EHMT1: variants seen among roughly 807,000 people sequenced by gnomAD.
EHMT1 encodes the protein euchromatic histone lysine methyltransferase 1, also known as histone-lysine N-methyltransferase EHMT1.
A neutral mutation model predicts 147.2 loss-of-function variants in EHMT1; 15 were observed. The observed-to-expected ratio is 0.10, with a 90% confidence interval of 0.07 to 0.16. The LOEUF is 0.16. EHMT1 is among the 10% of genes least tolerant of loss of function. The probability of loss-of-function intolerance (pLI) is 1.00; values close to 1 mark genes in which losing one functional copy is unlikely to be tolerated. For synonymous variants in EHMT1, 795 were observed against 709.6 expected (o/e 1.12, Z -1.91); for missense variants, 1,587 against 1,772.4 (o/e 0.90, Z 1.88).
chr9:137,720,241 A>G (rs1945814583), intron 3 of EHMT1, among the ~76,000 whole-genome samples: 3 of 152,072 alleles, frequency 2.0e-5, no homozygotes, highest in Non-Finnish European at 4.4e-5. Context: ...CACCCTGTGT[A>G]GCCACCAACC....
In EHMT1 at chr9:137,815,370, G is replaced by A. The variant is rs116720059; in HGVS notation, c.3259-577G>A. The A allele has an allele frequency of 4.1e-3, 749 of 184,008 alleles. 8 individuals carry two copies. Among genetic ancestry groups the A allele is most frequent in the African/African-American group, 0.017 (706 of 42,592 alleles). 11.4% of individuals were successfully genotyped at this position (184,008 alleles called of 1,614,324 possible). Reference sequence around the variant, plus strand: ...CGCAGGAAGGAATGTTCTGAGGAGCGCCCTAATTGTTCAGAGCAGCCCCTG... The same window carrying A: ...CGCAGGAAGGAATGTTCTGAGGAGCACCCTAATTGTTCAGAGCAGCCCCTG... On this transcript the variant is annotated intron_variant, in intron 22 of 26. Coordinates refer to ENST00000460843, the MANE Select transcript of EHMT1 (RefSeq NM_024757.5).
chr9:137,692,374 C>T (rs1041163437), intron 1 of EHMT1, among the ~76,000 whole-genome samples: 2 of 150,876 alleles, frequency 1.3e-5, no homozygotes, highest in African/African-American at 2.4e-5. Context: ...AAGCAATTCT[C>T]CTGCCTCAGC....
At position 137,716,927 on chromosome 9, in the gene EHMT1, G is replaced by C. The variant is rs924620448; in HGVS notation, c.387G>C (p.Lys129Asn). Residue 129 changes from lysine to asparagine, a missense_variant, in exon 3 of 27, where the codon AAG (lysine) becomes AAC (asparagine). By Grantham distance (94) the Lys-to-Asn change is moderately conservative (BLOSUM62 0). This residue lies in a region of EHMT1 where 810 missense variants were observed against 673.0 expected (regional missense o/e 1.20). Transcript: ENST00000460843. ...VIGSNGYILNKPALQAQPLRT... is the reference protein window; with the variant it reads ...VIGSNGYILNNPALQAQPLRT... ...GCAGCAACGGATACATCTTAAATAA[G>C]CCGGCCCTACAGGCACAGCCCTTGA... The C allele has an allele frequency of 6.2e-7, 1 of 1,612,868 alleles. No individual in the cohort carries two copies. Among genetic ancestry groups the C allele is most frequent in the Non-Finnish European group, 8.5e-7 (1 of 1,179,866 alleles).
chr9:137,643,851 G>A (rs894168031), intron 1 of EHMT1, among the ~76,000 whole-genome samples: 14 of 152,168 alleles, frequency 9.2e-5, no homozygotes, highest in African/African-American at 3.4e-4. Context: ...ATTTGGATTT[G>A]TTGAGCTTCT....
intron 4 of EHMT1, chr9:137,743,102 T>G: frequency 7.0e-6 from 3 of 426,838 alleles, no homozygotes; most frequent in Non-Finnish European, 1.3e-5. Flanking sequence ...GCCTCCAAGG[T>G]GGGGTGATAA....
chr9:137,752,493 A>T (rs1022654481), intron 7 of EHMT1, 85 bp downstream of exon 7: 1 of 1,496,102 alleles, frequency 6.7e-7, no homozygotes, highest in African/African-American at 1.4e-5. Context: ...TTACCCAACA[A>T]CCCTTGTTGC....
chr9:137,640,765 G>C (rs1380044965), intron 1 of EHMT1, among the ~76,000 whole-genome samples: 1 of 152,190 alleles, frequency 6.6e-6, no homozygotes, highest in Non-Finnish European at 1.5e-5. Flanking sequence ...TTCCATACAA[G>C]TTTGTTGAGA....
intron 1 of EHMT1, among the ~76,000 whole-genome samples, chr9:137,690,456 C>A (rs755159243): frequency 3.6e-4 from 53 of 145,652 alleles, no homozygotes; most frequent in Non-Finnish European, 4.2e-4. Flanking sequence ...CTGCAGTGAG[C>A]TGTGATTGCC....
intron 1 of EHMT1, among the ~76,000 whole-genome samples, chr9:137,628,197 G>A (rs980477559): frequency 6.6e-6 from 1 of 152,144 alleles, no homozygotes; most frequent in East Asian, 1.9e-4. Context: ...GGGTCAGTCT[G>A]CCAGCTGCTC....
chr9:137,777,778 A>G lies in EHMT1; in HGVS notation c.2019-104A>G, dbSNP rs1410638558. 4 of 1,511,842 alleles carry G rather than the reference A, an allele frequency of 2.6e-6. No homozygotes were observed. In the East Asian group the frequency reaches 6.8e-5, roughly 26 times the overall value. The allele number at this position is 1,511,842 out of a possible 1,614,324, so 93.7% of individuals were successfully genotyped here. A position where few individuals can be genotyped will look rare whatever the true frequency, so the allele number is the denominator to read the frequency against. On this transcript the variant is annotated intron_variant, in intron 12 of 26. Coordinates refer to ENST00000460843, the MANE Select transcript of EHMT1 (RefSeq NM_024757.5). ...CCAGGGACTAAGCGGACAGTAAGCA[A>G]ATCCGCAGCTCTCACTTAGAAAACA...
intron 16 of EHMT1, among the ~76,000 whole-genome samples, chr9:137,796,564 C>T (rs1019880734): frequency 2.6e-5 from 4 of 151,548 alleles, no homozygotes; most frequent in East Asian, 1.9e-4. Context: ...ATTAGCTGGG[C>T]GTGGTGGTGG....
At chr9:137,619,125 G>A (rs1329566217) in intron 1 of EHMT1, 76 bp downstream of exon 1, 1 of 439,662 alleles carries the variant, frequency 2.3e-6, no homozygotes, top group Admixed American at 6.7e-5. Flanking sequence ...CGAAGAACCG[G>A]GCGGGGCGGC....
intron 1 of EHMT1, among the ~76,000 whole-genome samples, chr9:137,707,192 C>CG (rs1944340954): frequency 2.0e-5 from 3 of 152,178 alleles, no homozygotes; most frequent in African/African-American, 7.2e-5. Flanking sequence ...TCCTAGAGTC[C>CG]GTCAGCCATA....
In EHMT1 at chr9:137,813,415, C is replaced by T. The variant is rs1228768525; in HGVS notation, c.3065C>T (p.Pro1022Leu). The T allele has an allele frequency of 2.5e-6, 4 of 1,613,238 alleles. No homozygotes were observed. Among genetic ancestry groups the T allele is most frequent in the Non-Finnish European group, 3.4e-6 (4 of 1,179,854 alleles). The change falls in exon 21 of 27, where the codon CCC becomes CTC. Residue 1022 changes from proline to leucine, a missense_variant. Around this residue, in one of 7 missense-constraint regions of EHMT1, gnomAD observed 78 missense variants for 68.9 expected, o/e 1.13. Transcript: ENST00000460843. The surrounding 1 kb of genome is among the most constrained non-coding windows in gnomAD (Gnocchi z 4.9). Reference sequence around the variant, plus strand: ...ATCGCTCGAGGCTACGAGCGCATCCCCATCCCCTGTGTCAACGCCGTGGAC... The same window carrying T: ...ATCGCTCGAGGCTACGAGCGCATCCTCATCCCCTGTGTCAACGCCGTGGAC... ...RDIARGYERIPIPCVNAVDSE... is the reference protein window; with the variant it reads ...RDIARGYERILIPCVNAVDSE...
chr9:137,815,400 C>T (rs1015561120), intron 22 of EHMT1: 1 of 206,464 alleles, frequency 4.8e-6, no homozygotes, highest in Non-Finnish European at 1.0e-5. Context: ...CCCCTGAAGC[C>T]GTCAAGCCAG....
chr9:137,709,401 C>T (rs1944505276), intron 1 of EHMT1, among the ~76,000 whole-genome samples: 1 of 152,160 alleles, frequency 6.6e-6, no homozygotes, highest in African/African-American at 2.4e-5. Flanking sequence ...ACCTGGGCCC[C>T]CCTGCCTTAC....
intron 6 of EHMT1, among the ~76,000 whole-genome samples, chr9:137,748,587 C>G (rs534724602): frequency 2.6e-5 from 4 of 152,344 alleles, no homozygotes; most frequent in Admixed American, 2.0e-4. Context: ...CCTTCTTCCC[C>G]ACCGCCTCGG....
At chr9:137,738,222 C>A (rs1947724030) in intron 4 of EHMT1, among the ~76,000 whole-genome samples, 1 of 147,874 alleles carries the variant, frequency 6.8e-6, no homozygotes, top group East Asian at 2.0e-4. Flanking sequence ...AAAAAAACAA[C>A]AAAAAAAACC....
At chr9:137,822,592 T>C (rs1245038689) in intron 25 of EHMT1, among the ~76,000 whole-genome samples, 1 of 151,932 alleles carries the variant, frequency 6.6e-6, no homozygotes, top group African/African-American at 2.4e-5. Context: ...TGTGAAGTAA[T>C]TTTTAAAATT....
Sources: allele counts gnomAD v4.1 joint callset (sites outside exome capture counted in the v4.1 genomes callset), GRCh38; gene constraint gnomAD v4.1.1; regional missense constraint gnomAD v4.1.1; non-coding constraint Gnocchi (gnomAD v3.1); transcripts MANE v1.5; gene names NCBI Gene and HGNC (gene_info 2026-07-23, HGNC 2026-07-21).